The following FBN2 variants were observed in gnomAD, a reference collection of about 807,000 sequenced individuals.
The protein encoded by FBN2 is fibrillin 2.
Under a neutral mutation model 355.6 loss-of-function variants are expected in FBN2, and 105 were observed. The ratio of observed to expected loss-of-function variants is 0.30; its 90% confidence interval spans 0.25 to 0.35. The LOEUF is 0.35. Ranked by LOEUF, FBN2 falls within the 10% of genes least tolerant of loss-of-function variation. FBN2 has a pLI of 1.00. For missense variants in FBN2, 3,280 were observed against 3,758.7 expected (o/e 0.87, Z 3.33); for synonymous variants, 1,350 against 1,301.2 (o/e 1.04, Z -0.81).
intron 6 of FBN2, among the ~76,000 whole-genome samples, chr5:128,455,707 G>A (rs562802948): frequency 6.6e-6 from 1 of 151,922 alleles, no homozygotes; most frequent in Non-Finnish European, 1.5e-5. Context: ...ACGGGGATGG[G>A]AAACCCCCTC....
rs1756190822 is a variant in FBN2, at chr5:128,513,557, T to TTC, written c.628+5714_628+5715dup. Among the ~76,000 whole-genome samples the TTC allele has an allele frequency of 3.3e-5, 5 of 152,222 alleles. No individual in the cohort carries two copies. The South Asian group carries it at 1.0e-3, about 31-fold the overall frequency. On this transcript the variant is annotated intron_variant, in intron 5 of 64. Coordinates refer to ENST00000262464, the MANE Select transcript of FBN2 (RefSeq NM_001999.4). ...ATAAATGAGATACACACTGCTTTTG[T>TTC]TCAAAAGAGAATAAAATATCAGGAT...
In FBN2 at chr5:128,286,119, T is replaced by C. The variant is rs563137100; in HGVS notation, c.7012+599A>G. Among the ~76,000 whole-genome samples, 4 of 152,346 alleles carry C rather than the reference T, an allele frequency of 2.6e-5. 1 individual carries two copies. The highest frequency in any genetic ancestry group is 7.2e-5 in the African/African-American group (3 of 41,592). On this transcript the variant is annotated intron_variant, in intron 55 of 64. Transcript: ENST00000262464. ...AACAGATCTTGGAAGAATAGTGTTT[T>C]TGAAAGAATCACTGCATAACTACAC...
rs928931511 is a variant in FBN2 at position 128,305,043 on chromosome 5, T to C, written c.5714A>G (p.His1905Arg). ...ECLEIPNVCS[H>R]GLCVDLQGSY... ...TCCTTGCAGATCAACACACAAGCCA[T>C]GACTGCAAACGTTAGGAATTTCTAA... Residue 1905 changes from histidine (H) to arginine (R), a missense_variant, in exon 45 of 65, where the codon CAT (histidine) becomes CGT (arginine). This residue lies in a region of FBN2 where 2,284 missense variants were observed against 2,749.5 expected (regional missense o/e 0.83). Coordinates refer to ENST00000262464, the MANE Select transcript of FBN2 (RefSeq NM_001999.4). 2.5e-6 allele frequency: 4 copies of C among 1,613,446 alleles called. No individual in the cohort carries two copies. The highest frequency in any genetic ancestry group is 2.7e-5 in the African/African-American group (2 of 74,878).
At chr5:128,369,440 C>T (rs955726524) in intron 15 of FBN2, 106 bp from the exon 16 acceptor site, 1 of 1,056,690 alleles carries the variant, frequency 9.5e-7, no homozygotes. Context: ...GGAAGCTTTT[C>T]AAGGGCATCT....
intron 7 of FBN2, among the ~76,000 whole-genome samples, chr5:128,422,046 C>T (rs1753363419): frequency 6.6e-6 from 1 of 152,168 alleles, no homozygotes; most frequent in African/African-American, 2.4e-5. Flanking sequence ...GAAGAGGCCA[C>T]AAGCCAAGGA....
At chr5:128,433,680 T>C (rs1753686591) in intron 7 of FBN2, among the ~76,000 whole-genome samples, 1 of 152,220 alleles carries the variant, frequency 6.6e-6, no homozygotes, top group Admixed American at 6.5e-5. Context: ...TTTAATTTGA[T>C]AGCATACAGC....
At chr5:128,291,493 C>T (rs779503957) in intron 49 of FBN2, 36 bp downstream of exon 49, 65 of 1,611,078 alleles carry the variant, frequency 4.0e-5, no homozygotes, top group Non-Finnish European at 5.2e-5. Context: ...AGTTTCTAAG[C>T]GTGAACTGTG....
intron 16 of FBN2, among the ~76,000 whole-genome samples, chr5:128,368,467 CATAT>C (rs1170173654): frequency 7.0e-6 from 1 of 143,234 alleles, no homozygotes; most frequent in Non-Finnish European, 1.5e-5. Flanking sequence ...CATATATATA[CATAT>C]ATATACATAT....
At chr5:128,273,773 C>A in intron 61 of FBN2, 67 bp downstream of exon 61, 1 of 1,511,136 alleles carries the variant, frequency 6.6e-7, no homozygotes, top group Admixed American at 1.7e-5. Context: ...ACCAATTTGT[C>A]TTGGAAGTTA....
chr5:128,322,131 T>C (rs753383819), intron 34 of FBN2, among the ~76,000 whole-genome samples: 7 of 152,196 alleles, frequency 4.6e-5, no homozygotes, highest in Non-Finnish European at 8.8e-5. Context: ...CACTTTTTTA[T>C]GGGGTTGTTT....
At chr5:128,335,688 T>G in intron 28 of FBN2, 111 bp from the exon 29 acceptor site, 2 of 1,268,078 alleles carry the variant, frequency 1.6e-6, no homozygotes. Flanking sequence ...CCCCACTATG[T>G]GTGTTGATTG....
intron 4 of FBN2, among the ~76,000 whole-genome samples, chr5:128,522,616 T>C (rs1437625408): frequency 6.6e-6 from 1 of 152,096 alleles, no homozygotes; most frequent in Non-Finnish European, 1.5e-5. Flanking sequence ...CAGCCGAAGT[T>C]TACATTAAAG....
chr5:128,318,090 G>T, intron 36 of FBN2, 59 bp downstream of exon 36: 1 of 1,559,380 alleles, frequency 6.4e-7, no homozygotes, highest in Non-Finnish European at 8.8e-7. Flanking sequence ...TCATTATCAA[G>T]AGAGTCTGAA....
At chr5:128,414,746 C>T (rs955879219) in intron 7 of FBN2, among the ~76,000 whole-genome samples, 7 of 152,082 alleles carry the variant, frequency 4.6e-5, no homozygotes, top group African/African-American at 1.7e-4. Context: ...TACATCCCCA[C>T]TAGCAATATA....
chr5:128,512,791 A>G (rs1756166581), intron 5 of FBN2, among the ~76,000 whole-genome samples: 1 of 152,062 alleles, frequency 6.6e-6, no homozygotes, highest in Non-Finnish European at 1.5e-5. Context: ...CGAATATTCT[A>G]TTTCTAATAA....
intron 55 of FBN2, among the ~76,000 whole-genome samples, chr5:128,281,187 A>T (rs563269063): frequency 1.2e-4 from 19 of 152,330 alleles, no homozygotes; most frequent in African/African-American, 4.3e-4. Context: ...GAATTCTTAA[A>T]AACACATTTA....
At chr5:128,483,316 T>C (rs1409960233) in intron 5 of FBN2, among the ~76,000 whole-genome samples, 1 of 152,032 alleles carries the variant, frequency 6.6e-6, no homozygotes, top group Non-Finnish European at 1.5e-5. Flanking sequence ...AAATAAAAGT[T>C]GAAATTATAA....
chr5:128,285,403 AG>A (rs558277848), intron 55 of FBN2, among the ~76,000 whole-genome samples: 158 of 152,340 alleles, frequency 1.0e-3, no homozygotes, highest in African/African-American at 3.3e-3. Flanking sequence ...AAAATTTTGC[AG>A]ACATTTCAGC....
At chr5:128,488,244 T>C (rs985753636) in intron 5 of FBN2, among the ~76,000 whole-genome samples, 2 of 152,136 alleles carry the variant, frequency 1.3e-5, no homozygotes, top group Non-Finnish European at 1.5e-5. Context: ...AAACACTAAA[T>C]CTTCTGGTCC....
Sources: gnomAD v4.1 joint callset for allele counts (sites outside exome capture counted in the v4.1 genomes callset) on GRCh38, gnomAD v4.1.1 for gene constraint, gnomAD v4.1.1 regional missense constraint, MANE v1.5 for transcripts, NCBI Gene and HGNC (gene_info 2026-07-23, HGNC 2026-07-21) for gene names.